ZNF343: variants seen among roughly 807,000 people sequenced by gnomAD.
The protein encoded by ZNF343 is zinc finger protein 343.
A neutral mutation model predicts 13.8 loss-of-function variants in ZNF343; 11 were observed. The ratio of observed to expected loss-of-function variants is 0.80; its 90% CI spans 0.50 to 1.32. ZNF343 has a LOEUF of 1.32. Ranked by LOEUF, ZNF343 falls within the 40% of genes most tolerant of loss-of-function variation. The probability of loss-of-function intolerance (pLI) is 0.00; values close to 1 mark genes in which losing one functional copy is unlikely to be tolerated. For synonymous variants in ZNF343, 248 were observed against 260.0 expected (o/e 0.95, Z 0.44); for missense variants, 658 against 714.2 (o/e 0.92, Z 0.90).
intron 1 of ZNF343, among the ~76,000 whole-genome samples, chr20:2,516,678 G>A (rs995064113): frequency 6.6e-6 from 1 of 152,036 alleles, no homozygotes; most frequent in Non-Finnish European, 1.5e-5. Flanking sequence ...GTGAGAGTGA[G>A]GGAGAGTGAG....
intron 2 of ZNF343, among the ~76,000 whole-genome samples, chr20:2,494,715 G>C (rs1360047499): frequency 1.3e-5 from 2 of 151,698 alleles, no homozygotes; most frequent in Non-Finnish European, 2.9e-5. Flanking sequence ...GCTGCAGTGA[G>C]CTGAGATCAT....
intron 1 of ZNF343, among the ~76,000 whole-genome samples, chr20:2,501,557 C>A (rs1449885403): frequency 1.3e-5 from 2 of 152,168 alleles, no homozygotes; most frequent in Non-Finnish European, 2.9e-5. Flanking sequence ...CTGGGAGGCA[C>A]CCCCCAGTAG....
chr20:2,488,283 G>A (rs1432067953), intron 5 of ZNF343, among the ~76,000 whole-genome samples: 1 of 151,368 alleles, frequency 6.6e-6, no homozygotes, highest in Non-Finnish European at 1.5e-5. Context: ...CTAGTCATTT[G>A]GGATTTTTCT....
At chr20:2,490,481 ATTTG>A (rs2085348598) in intron 5 of ZNF343, among the ~76,000 whole-genome samples, 1 of 151,126 alleles carries the variant, frequency 6.6e-6, no homozygotes, top group African/African-American at 2.4e-5. Context: ...GAACTAGGTC[ATTTG>A]TTTGTGTGTG....
chr20:2,501,357 G>A (rs1316298672), intron 1 of ZNF343, among the ~76,000 whole-genome samples: 1 of 152,220 alleles, frequency 6.6e-6, no homozygotes, highest in Non-Finnish European at 1.5e-5. Context: ...AGGCCTGCCT[G>A]CCTGCCTCTG....
At chr20:2,506,324 G>C (rs1247709355) in intron 1 of ZNF343, among the ~76,000 whole-genome samples, 1 of 152,096 alleles carries the variant, frequency 6.6e-6, no homozygotes, top group Non-Finnish European at 1.5e-5. Flanking sequence ...TGGAGAAATA[G>C]GAACACTTTT....
At position 2,484,587 on chromosome 20, in the gene ZNF343, C is replaced by T; in HGVS notation, c.374G>A (p.Ser125Asn). The T allele has an allele frequency of 6.2e-7, 1 of 1,613,936 alleles. No individual in the cohort carries two copies. Among genetic ancestry groups the T allele is most frequent in the Non-Finnish European group, 8.5e-7 (1 of 1,179,906 alleles). ...CAGGAAGATCTGAAGTACATGTTGA[C>T]TGAGGAACTGCTGACAGGAGAAGGC... ...LLAFSCQQFL[S>N]QHVLQIFLGL... Residue 125 changes from serine to asparagine, a missense_variant, in exon 6 of 6, where the codon AGT (serine) becomes AAT (asparagine). Physicochemically the swap from Ser to Asn is conservative, Grantham distance 46. Transcript: ENST00000278772.
At chr20:2,490,933 A>G (rs2085357763) in intron 5 of ZNF343, among the ~76,000 whole-genome samples, 1 of 152,212 alleles carries the variant, frequency 6.6e-6, no homozygotes, top group Non-Finnish European at 1.5e-5. Flanking sequence ...ATTTAGATGG[A>G]GCCAGGTCAG....
At chr20:2,486,562 T>G (rs1600032477) in intron 5 of ZNF343, 2 of 151,740 alleles carry the variant, frequency 1.3e-5, no homozygotes, top group South Asian at 4.2e-4. Context: ...AGGTCGGGAG[T>G]TCCAGACCAG....
At position 2,492,770 on chromosome 20, in the gene ZNF343, C is replaced by G. The variant is rs145750724; in HGVS notation, c.233G>C (p.Arg78Thr). ...TVIFTEAEWK[R>T]LSPEQRNLYK... ...TAGATTCCTCTGCTCTGGACTCAGT[C>G]TCTTCCATTCTGCTTCTGTGAAGAT... Residue 78 changes from arginine (R) to threonine (T), a missense_variant, in exon 5 of 6, where the codon AGA (arginine) becomes ACA (threonine). Transcript: ENST00000278772. The G allele has an allele frequency of 5.0e-6, 8 of 1,613,592 alleles. No homozygotes were observed. The highest frequency in any genetic ancestry group is 6.8e-6 in the Non-Finnish European group (8 of 1,179,926).
At chr20:2,492,975 C>A in intron 4 of ZNF343, 150 bp from the exon 5 acceptor site, 1 of 1,084,222 alleles carries the variant, frequency 9.2e-7, no homozygotes, top group Non-Finnish European at 1.3e-6. Context: ...CTTCTGAGCA[C>A]TACTGTCTGC....
intron 1 of ZNF343, among the ~76,000 whole-genome samples, chr20:2,520,074 T>C (rs577220186): frequency 1.3e-5 from 2 of 152,334 alleles, no homozygotes; most frequent in African/African-American, 4.8e-5. Context: ...TACTGCTTGG[T>C]TGTACATAGT....
intron 2 of ZNF343, 52 bp from the exon 3 acceptor site, chr20:2,494,096 T>G: frequency 1.7e-4 from 90 of 531,412 alleles, no homozygotes; most frequent in East Asian, 2.7e-4. Flanking sequence ...TTGTGGGCCC[T>G]AGGCCTATGC....
rs777798575 is a variant in ZNF343, at chr20:2,493,542, T to C, written c.154A>G (p.Lys52Glu). Residue 52 changes from lysine (K) to glutamate (E), a missense_variant, in exon 4 of 6, where the codon AAG becomes GAG. Lys to Glu is a moderately conservative substitution (Grantham distance 56). Transcript: ENST00000278772. ...ACCACTATTTGGGCCTTTCCCTCCT[T>C]TTTCTGGGGGCAGTCAGTATCATTA... Reference protein sequence around the residue: ...PSNDTDCPQKKEGKAQIVVPV... With the variant: ...PSNDTDCPQKEEGKAQIVVPV... 5.0e-6 allele frequency: 8 copies of C among 1,613,652 alleles called. No homozygotes were observed. The highest frequency in any genetic ancestry group is 3.3e-5 in the Admixed American group (2 of 59,990).
intron 2 of ZNF343, among the ~76,000 whole-genome samples, chr20:2,496,906 C>T (rs1299466957): frequency 1.3e-5 from 2 of 152,082 alleles, no homozygotes. Flanking sequence ...CATGGAGAAA[C>T]CCCATCTCTA....
At chr20:2,519,279 C>T (rs1188329305) in intron 1 of ZNF343, among the ~76,000 whole-genome samples, 5 of 152,162 alleles carry the variant, frequency 3.3e-5, no homozygotes, top group African/African-American at 9.7e-5. Context: ...ATGATTCTGA[C>T]ACTGACACCC....
chr20:2,504,070 T>C (rs1321929624), intron 1 of ZNF343, among the ~76,000 whole-genome samples: 1 of 151,976 alleles, frequency 6.6e-6, no homozygotes, highest in East Asian at 1.9e-4. Context: ...CTAGCAAGAC[T>C]AATAAAGAAG....
Position 2,506,985 on chromosome 20 carries a change from C to T in ZNF343, c.-237+1896G>A, listed in dbSNP as rs148878325. Among the ~76,000 whole-genome samples the T allele has an allele frequency of 8.3e-3, 1,257 of 151,742 alleles. 6 individuals are homozygous for T. The highest frequency in any genetic ancestry group is 0.015 in the African/African-American group (605 of 41,430). On this transcript the variant is annotated intron_variant, in intron 1 of 5. Transcript: ENST00000278772. ...AAAAAAATAAAATGAGTGGGCCAGC[C>T]GGGAGCGGTGGCTCATGCCTGTAAT...
At chr20:2,485,139 T>C (rs1568473919) in intron 5 of ZNF343, among the ~76,000 whole-genome samples, 1 of 152,140 alleles carries the variant, frequency 6.6e-6, no homozygotes, top group East Asian at 1.9e-4. Context: ...TTATTGTATA[T>C]AAAACAAATA....
Sources: allele counts gnomAD v4.1 joint callset (sites outside exome capture counted in the v4.1 genomes callset), GRCh38; gene constraint gnomAD v4.1.1; transcripts MANE v1.5; gene names NCBI Gene and HGNC (gene_info 2026-07-23, HGNC 2026-07-21).